The following TRAPPC12 variants were observed in gnomAD, a reference collection of about 807,000 sequenced individuals.
TRAPPC12 encodes TPR repeat protein 15.
Under a neutral mutation model 69.2 loss-of-function variants are expected in TRAPPC12, and 61 were observed. The ratio of observed to expected loss-of-function variants is 0.88; its 90% confidence interval spans 0.72 to 1.09. TRAPPC12 has a LOEUF of 1.09. Among genes scored for constraint, TRAPPC12 ranks in the 50% least tolerant of loss-of-function variants. The pLI is 0.00. For missense variants in TRAPPC12, 1,101 were observed against 1,016.4 expected (o/e 1.08, Z -1.13); for synonymous variants, 469 against 438.9 (o/e 1.07, Z -0.86).
chr2:3,388,593 G>T lies in TRAPPC12; in HGVS notation c.970G>T (p.Ala324Ser), dbSNP rs1224503037. ...EATRGVLRAV[A>S]TQQRGAVFVD... ...TACGCGTGGAGTCCTGCGGGCCGTG[G>T]CCACCCAGCAGCGCGGCGCCGTGTT... The change falls in exon 2 of 12, where the codon GCC becomes TCC. Residue 324 changes from alanine to serine, a missense_variant. Coordinates refer to ENST00000324266, the MANE Select transcript of TRAPPC12 (RefSeq NM_016030.6). 1 of 1,610,290 alleles carries T rather than the reference G, an allele frequency of 6.2e-7. No individual in the cohort carries two copies. Among genetic ancestry groups the T allele is most frequent in the Non-Finnish European group, 8.5e-7 (1 of 1,178,332 alleles).
intron 6 of TRAPPC12, among the ~76,000 whole-genome samples, chr2:3,453,161 AT>A (rs1664940608): frequency 6.6e-6 from 1 of 152,150 alleles, no homozygotes; most frequent in African/African-American, 2.4e-5. Flanking sequence ...CCACAGGTTT[AT>A]TTTTGTGAAA....
chr2:3,430,523 A>G (rs1173607731), intron 5 of TRAPPC12, among the ~76,000 whole-genome samples: 1 of 152,156 alleles, frequency 6.6e-6, no homozygotes, highest in African/African-American at 2.4e-5. Flanking sequence ...CTATTGGGTT[A>G]TCTTTGTTAT....
intron 6 of TRAPPC12, among the ~76,000 whole-genome samples, chr2:3,450,793 C>A (rs1449571596): frequency 6.6e-6 from 1 of 152,102 alleles, no homozygotes; most frequent in Non-Finnish European, 1.5e-5. Flanking sequence ...GTTCTCAGGT[C>A]CTTGGCTTAG....
chr2:3,399,809 C>T (rs987189784), intron 2 of TRAPPC12, among the ~76,000 whole-genome samples: 2 of 138,830 alleles, frequency 1.4e-5, no homozygotes, highest in African/African-American at 5.2e-5. Context: ...TTCCCCCGCT[C>T]CCCCCGCCAC....
At chr2:3,407,353 G>A (rs533577882) in intron 3 of TRAPPC12, among the ~76,000 whole-genome samples, 8 of 152,066 alleles carry the variant, frequency 5.3e-5, no homozygotes, top group African/African-American at 1.7e-4. Context: ...GCAAAAAAAC[G>A]TAAAAGTAGT....
chr2:3,459,151 G>A (rs1191049117), intron 7 of TRAPPC12, among the ~76,000 whole-genome samples: 1 of 152,232 alleles, frequency 6.6e-6, no homozygotes, highest in African/African-American at 2.4e-5. Flanking sequence ...CTAAATCACA[G>A]CCTCAGAGGC....
In TRAPPC12 at chr2:3,391,166, A is replaced by G. The variant is rs184444500; in HGVS notation, c.1047+2496A>G. On this transcript the variant is annotated intron_variant, in intron 2 of 11. Coordinates refer to ENST00000324266, the MANE Select transcript of TRAPPC12 (RefSeq NM_016030.6). Reference sequence around the variant, plus strand: ...GTGGGACAGGATTAGTAGTTTCCATATGGCACTGTACATGACGGGGCGCCC... The same window carrying G: ...GTGGGACAGGATTAGTAGTTTCCATGTGGCACTGTACATGACGGGGCGCCC... 1.3e-3 allele frequency among the ~76,000 whole-genome samples: 204 copies of G among 152,274 alleles called. 3 individuals carry two copies. The highest frequency in any genetic ancestry group is 3.4e-4 in the Non-Finnish European group (23 of 68,016).
chr2:3,390,298 A>G (rs529025117), intron 2 of TRAPPC12, among the ~76,000 whole-genome samples: 1 of 152,342 alleles, frequency 6.6e-6, no homozygotes, highest in South Asian at 2.1e-4. Context: ...GGCAGCCCAG[A>G]TGGGACCAAA....
intron 3 of TRAPPC12, among the ~76,000 whole-genome samples, chr2:3,409,132 A>T (rs1209992797): frequency 6.6e-6 from 1 of 152,204 alleles, no homozygotes; most frequent in Non-Finnish European, 1.5e-5. Flanking sequence ...CTTTGCAAAA[A>T]GTTAAGACTC....
At chr2:3,447,623 C>T (rs1000032831) in intron 6 of TRAPPC12, among the ~76,000 whole-genome samples, 3 of 152,142 alleles carry the variant, frequency 2.0e-5, no homozygotes, top group Non-Finnish European at 4.4e-5. Context: ...CCAGGCCCCA[C>T]CTCCAACACT....
At chr2:3,382,168 T>C (rs1207065311) in intron 1 of TRAPPC12, among the ~76,000 whole-genome samples, 1 of 148,050 alleles carries the variant, frequency 6.8e-6, no homozygotes, top group African/African-American at 2.5e-5. Flanking sequence ...TGGAGTCTTA[T>C]TCTGCCGCCA....
chr2:3,460,396 C>T (rs570867200), intron 8 of TRAPPC12, 60 bp downstream of exon 8: 19 of 825,844 alleles, frequency 2.3e-5, no homozygotes, highest in African/African-American at 1.5e-4. Context: ...CAGTGGGAGC[C>T]GCGAGGGAGC....
Position 3,424,583 on chromosome 2 carries a change from T to G in TRAPPC12, c.1337T>G (p.Met446Arg). The G allele has an allele frequency of 6.2e-7, 1 of 1,614,134 alleles. No individual in the cohort carries two copies. Among genetic ancestry groups the G allele is most frequent in the South Asian group, 1.1e-5 (1 of 91,072 alleles). Residue 446 changes from methionine to arginine, a missense_variant, in exon 5 of 12, where the codon ATG becomes AGG. By Grantham distance (91) the Met-to-Arg change is moderately conservative. Transcript: ENST00000324266. ...TTGGGCCTTTTCCAGAATGCTGAGA[T>G]GGAATTTGAACCCTTCGGAAATCTT... The part of the protein sequence containing the change: ...VKLGLFQNAE[M>R]EFEPFGNLDQ...
intron 3 of TRAPPC12, among the ~76,000 whole-genome samples, chr2:3,411,209 CTTG>C (rs1044060800): frequency 6.6e-6 from 1 of 152,166 alleles, no homozygotes; most frequent in African/African-American, 2.4e-5. Context: ...ACCTTCCATA[CTTG>C]TTGTGAAAAT....
At position 3,388,434 on chromosome 2, in the gene TRAPPC12, G is replaced by A; in HGVS notation, c.811G>A (p.Ala271Thr). Residue 271 changes from alanine to threonine, a missense_variant, in exon 2 of 12, where the codon GCT becomes ACT. Transcript: ENST00000324266. ...EPVAMRGPQAAAPPASPEPFA... is the reference protein window; with the variant it reads ...EPVAMRGPQATAPPASPEPFA... ...CGTGGCCATGCGAGGGCCCCAGGCA[G>A]CTGCGCCCCCGGCGTCGCCAGAGCC... 6.2e-7 allele frequency: 1 copy of A among 1,607,250 alleles called. No individual in the cohort carries two copies.
chr2:3,395,682 C>T (rs1204652311), intron 2 of TRAPPC12, among the ~76,000 whole-genome samples: 2 of 151,558 alleles, frequency 1.3e-5, no homozygotes, highest in African/African-American at 4.8e-5. Context: ...CATGCCTCAC[C>T]CTCCAGAGTA....
intron 6 of TRAPPC12, 53 bp downstream of exon 6, chr2:3,443,944 C>T (rs2103102038): frequency 7.3e-7 from 1 of 1,369,094 alleles, no homozygotes; most frequent in South Asian, 1.2e-5. Context: ...CCCTCCACGC[C>T]CTCCCCACAG....
At chr2:3,399,638 G>C (rs1422035001) in intron 2 of TRAPPC12, among the ~76,000 whole-genome samples, 1 of 152,184 alleles carries the variant, frequency 6.6e-6, no homozygotes, top group Non-Finnish European at 1.5e-5. Context: ...TCTCCTGGTA[G>C]AAGGGAGGCA....
chr2:3,412,615 C>G (rs760700701), intron 3 of TRAPPC12, among the ~76,000 whole-genome samples: 5 of 152,134 alleles, frequency 3.3e-5, no homozygotes, highest in Non-Finnish European at 1.5e-5. Context: ...GCTCATCTTG[C>G]AATGAGCAAG....
Sources: gnomAD v4.1 joint callset for allele counts (sites outside exome capture counted in the v4.1 genomes callset) on GRCh38, gnomAD v4.1.1 for gene constraint, MANE v1.5 for transcripts, NCBI Gene and HGNC (gene_info 2026-07-23, HGNC 2026-07-21) for gene names.